CCSER1: variants seen among roughly 807,000 people sequenced by gnomAD.
CCSER1 encodes coiled-coil serine rich protein 1, also known as serine-rich coiled-coil domain-containing protein 1.
A neutral mutation model predicts 82.0 loss-of-function variants in CCSER1; 41 were observed. The observed-to-expected ratio is 0.50, with a 90% CI of 0.39 to 0.65. The LOEUF (loss-of-function observed/expected upper bound fraction) is 0.65. Among genes scored for constraint, CCSER1 ranks in the 30% least tolerant of loss-of-function variants. The pLI, the probability that CCSER1 is intolerant of heterozygous loss-of-function variation, is 0.00. For synonymous variants in CCSER1, 414 were observed against 383.9 expected (o/e 1.08, Z -0.92); for missense variants, 1,119 against 1,064.2 (o/e 1.05, Z -0.72).
At chr4:91,416,710 G>A (rs1753384703) in intron 10 of CCSER1, among the ~76,000 whole-genome samples, 1 of 152,070 alleles carries the variant, frequency 6.6e-6, no homozygotes, top group Non-Finnish European at 1.5e-5. Context: ...AACTCAAAAT[G>A]GAGTAAAGAC....
chr4:91,324,044 T>C (rs1578194218), intron 10 of CCSER1, among the ~76,000 whole-genome samples: 1 of 152,298 alleles, frequency 6.6e-6, no homozygotes, highest in Middle Eastern at 3.4e-3. Flanking sequence ...CTTATGATAA[T>C]TTTGACTTCT....
intron 10 of CCSER1, among the ~76,000 whole-genome samples, chr4:91,131,998 GA>G (rs1287980706): frequency 1.3e-5 from 2 of 151,780 alleles, no homozygotes; most frequent in Non-Finnish European, 2.9e-5. Context: ...TTGTTTTAAA[GA>G]TTAGAAAAGA....
chr4:90,309,077 GAAGATTC>G lies in CCSER1; in HGVS notation c.794_800del (p.Glu265ValfsTer60). The G allele has an allele frequency of 1.9e-6, 3 of 1,613,870 alleles. No homozygotes were observed. The highest frequency in any genetic ancestry group is 2.5e-6 in the Non-Finnish European group (3 of 1,179,840). ...ACCTTCAGAATTTTTAGCCTTGACT[GAAGATTC>G]TGTGTCTGAAATGGATGCATTTTCT... On this transcript the variant is annotated frameshift_variant, in exon 2 of 11. Coordinates refer to ENST00000509176, the MANE Select transcript of CCSER1 (RefSeq NM_001145065.2). LOFTEE classifies it high-confidence loss of function.
intron 10 of CCSER1, among the ~76,000 whole-genome samples, chr4:91,361,976 C>T (rs1013970670): frequency 6.6e-6 from 1 of 151,770 alleles, no homozygotes; most frequent in African/African-American, 2.4e-5. Flanking sequence ...TACAAAAAAC[C>T]TCTCTGAGCA....
intron 10 of CCSER1, among the ~76,000 whole-genome samples, chr4:91,387,861 T>C (rs1270381573): frequency 6.6e-6 from 1 of 152,088 alleles, no homozygotes; most frequent in Non-Finnish European, 1.5e-5. Flanking sequence ...AAAAGACAGG[T>C]AATTCTTTAA....
intron 4 of CCSER1, among the ~76,000 whole-genome samples, chr4:90,422,901 C>T (rs368819352): frequency 1.5e-4 from 23 of 152,278 alleles, no homozygotes; most frequent in East Asian, 1.2e-3. Flanking sequence ...ACAGGGTAAA[C>T]AGGAGCATTA....
intron 5 of CCSER1, among the ~76,000 whole-genome samples, chr4:90,566,432 T>TA (rs146449432): frequency 0.3 from 43,516 of 147,032 alleles, 6,436 homozygotes; most frequent in East Asian, 0.49. Flanking sequence ...CTCTGTAAAT[T>TA]AAAAAAAAAA....
intron 10 of CCSER1, among the ~76,000 whole-genome samples, chr4:91,288,617 A>G (rs1743504063): frequency 6.6e-6 from 1 of 151,998 alleles, no homozygotes; most frequent in Non-Finnish European, 1.5e-5. Context: ...GAAGAAGGGA[A>G]CAACAGCTAC....
At chr4:90,842,769 A>G (rs985615755) in intron 8 of CCSER1, among the ~76,000 whole-genome samples, 1 of 152,174 alleles carries the variant, frequency 6.6e-6, no homozygotes, top group Non-Finnish European at 1.5e-5. Context: ...ATGCAAAGGG[A>G]GTGGGTCATT....
At chr4:91,451,835 C>A (rs1406475567) in intron 10 of CCSER1, among the ~76,000 whole-genome samples, 1 of 151,876 alleles carries the variant, frequency 6.6e-6, no homozygotes, top group African/African-American at 2.4e-5. Context: ...AGTAAAAATG[C>A]AAAGTCCCAG....
intron 10 of CCSER1, among the ~76,000 whole-genome samples, chr4:91,114,055 T>C (rs1726335546): frequency 6.6e-6 from 1 of 152,078 alleles, no homozygotes; most frequent in Non-Finnish European, 1.5e-5. Context: ...GGTTTCATCG[T>C]GTTAGCCAGG....
intron 9 of CCSER1, among the ~76,000 whole-genome samples, chr4:90,987,695 A>C (rs1426638545): frequency 3.3e-5 from 5 of 151,654 alleles, no homozygotes; most frequent in Admixed American, 2.0e-4. Flanking sequence ...TATCTTTAGC[A>C]TTAGACTTAA....
At position 90,933,002 on chromosome 4, in the gene CCSER1, AAGAAAGAAAGAAAGAAAG is replaced by A. The variant is rs1561385468; in HGVS notation, c.2172+9557_2172+9574del. Among the ~76,000 whole-genome samples, 2 of 78,374 alleles carry A rather than the reference AAGAAAGAAAGAAAGAAAG, an allele frequency of 2.6e-5. 1 individual carries two copies. Among genetic ancestry groups the A allele is most frequent in the African/African-American group, 1.9e-4 (2 of 10,784 alleles). 51.4% of individuals were successfully genotyped at this position (78,374 alleles called of 152,430 possible). A position where few individuals can be genotyped will look rare whatever the true frequency, so the allele number is the denominator to read the frequency against. On this transcript the variant is annotated intron_variant, in intron 9 of 10. Coordinates refer to ENST00000509176, the MANE Select transcript of CCSER1 (RefSeq NM_001145065.2). ...AGAAAGAGAAAGAAAGAAAGAAAGA[AAGAAAGAAAGAAAGAAAG>A]AAAGAAAGAAAGAAAGAAAGAAAGA...
intron 1 of CCSER1, 65 bp downstream of exon 1, chr4:90,127,896 C>G (rs1010110053): frequency 1.3e-5 from 2 of 152,038 alleles, no homozygotes; most frequent in Admixed American, 6.6e-5. Flanking sequence ...TTTGCGGGGC[C>G]GGCCGCAGGC....
At chr4:91,332,886 T>A (rs1478067648) in intron 10 of CCSER1, among the ~76,000 whole-genome samples, 5 of 152,080 alleles carry the variant, frequency 3.3e-5, no homozygotes, top group Non-Finnish European at 7.4e-5. Flanking sequence ...GGAGACATTC[T>A]GCCCCATTAA....
At chr4:90,453,861 GT>G (rs1761821777) in intron 4 of CCSER1, among the ~76,000 whole-genome samples, 1 of 152,206 alleles carries the variant, frequency 6.6e-6, no homozygotes, top group African/African-American at 2.4e-5. Flanking sequence ...GACTACTTCA[GT>G]GTCCAGGAGG....
chr4:91,370,499 A>G (rs750162485), intron 10 of CCSER1, among the ~76,000 whole-genome samples: 2 of 152,122 alleles, frequency 1.3e-5, no homozygotes, highest in Non-Finnish European at 1.5e-5. Context: ...GTTCAAGACC[A>G]TCCTGGCCAG....
intron 1 of CCSER1, among the ~76,000 whole-genome samples, chr4:90,304,441 A>C (rs867088041): frequency 3.9e-5 from 6 of 152,228 alleles, no homozygotes; most frequent in Non-Finnish European, 5.9e-5. Context: ...AATGTGGCAC[A>C]TATACACCAT....
intron 6 of CCSER1, among the ~76,000 whole-genome samples, chr4:90,706,285 AAAAC>A (rs1480330753): frequency 2.0e-5 from 3 of 152,274 alleles, no homozygotes; most frequent in East Asian, 1.9e-4. Context: ...AAATTATTTA[AAAAC>A]AAACAAAGTG....
Sources: gnomAD v4.1 joint callset for allele counts (sites outside exome capture counted in the v4.1 genomes callset) on GRCh38, gnomAD v4.1.1 for gene constraint, MANE v1.5 for transcripts, NCBI Gene and HGNC (gene_info 2026-07-23, HGNC 2026-07-21) for gene names.